Variants in LRRC74B observed in about 807,000 individuals in gnomAD.
LRRC74B encodes the protein leucine rich repeat containing 74B.
LRRC74B carries 30 observed loss-of-function variants against 16.6 expected under a neutral mutation model. The ratio of observed to expected loss-of-function variants is 1.80; its 90% CI spans 1.35 to 2.45. LRRC74B has a LOEUF of 2.45. Among genes scored for constraint, LRRC74B ranks in the 30% most tolerant of loss-of-function variants. The probability of loss-of-function intolerance (pLI) is 0.00; values close to 1 mark genes in which losing one functional copy is unlikely to be tolerated. For missense variants in LRRC74B, 326 were observed against 202.4 expected, an observed-to-expected ratio of 1.61 and a Z score of -3.71; for synonymous variants, 134 against 86.0, an observed-to-expected ratio of 1.56 and a Z score of -3.09.
rs1601807320 is a variant in LRRC74B at position 21,048,853 on chromosome 22, C to T, written c.416-98C>T. On this transcript the variant is annotated intron_variant, in intron 3 of 8. Coordinates refer to ENST00000442047, the Ensembl canonical transcript of LRRC74B. ...CCCAGGACAGTTAACCTGTAAGTCC[C>T]CTTCCTCAGCCTCAGACCTGGAGGT... The T allele has an allele frequency of 4.6e-5, 30 of 658,114 alleles. No homozygotes were observed. The East Asian group carries it at 6.8e-4, about 15-fold the overall frequency. 40.8% of individuals were successfully genotyped at this position (658,114 alleles called of 1,614,324 possible).
chr22:21,051,840 C>G (rs926294840), intron 4 of LRRC74B, among the ~76,000 whole-genome samples: 1 of 152,178 alleles, frequency 6.6e-6, no homozygotes. Flanking sequence ...TTGCAGTTTC[C>G]TGTGTCTCCT....
intron 8 of LRRC74B, among the ~76,000 whole-genome samples, chr22:21,059,510 G>A (rs1261654800): frequency 2.6e-5 from 4 of 152,258 alleles, no homozygotes; most frequent in South Asian, 2.1e-4. Flanking sequence ...TCAGTGAGCC[G>A]AGACCATGCC....
At chr22:21,049,146 A>G (rs1189785807) in exon 4 of LRRC74B, 4 of 716,160 alleles carry the variant, frequency 5.6e-6, no homozygotes, top group Non-Finnish European at 1.0e-5. Context: ...AACCAGCTGA[A>G]TGACCAAGCA....
At chr22:21,049,900 A>G (rs1031551744) in intron 4 of LRRC74B, among the ~76,000 whole-genome samples, 12 of 152,168 alleles carry the variant, frequency 7.9e-5, no homozygotes, top group Non-Finnish European at 1.6e-4. Flanking sequence ...GCCTCTCCTC[A>G]AATGGTCCAA....
intron 4 of LRRC74B, among the ~76,000 whole-genome samples, chr22:21,051,343 C>T (rs139135124): frequency 1.2e-4 from 19 of 152,256 alleles, no homozygotes; most frequent in African/African-American, 4.6e-4. Context: ...GGCCATGTTG[C>T]TCCGCCTTCA....
chr22:21,061,292 T>A (rs1930793812), downstream of LRRC74B, among the ~76,000 whole-genome samples: 2 of 151,616 alleles, frequency 1.3e-5, no homozygotes, highest in African/African-American at 4.8e-5. Flanking sequence ...CACTCTAGCC[T>A]GGGCAACAAG....
exon 1 of LRRC74B, chr22:21,046,060 T>G: frequency 1.4e-6 from 1 of 717,450 alleles, no homozygotes; most frequent in Non-Finnish European, 2.6e-6. Context: ...TGTGGGCGTC[T>G]TTCAGGGGTC....
chr22:21,046,064 A>G (rs779284609), exon 1 of LRRC74B: 1 of 717,328 alleles, frequency 1.4e-6, no homozygotes, highest in African/African-American at 1.7e-5. Flanking sequence ...GGCGTCTTTC[A>G]GGGGTCCCCG....
At chr22:21,055,831 T>TG (rs1363164524) in intron 7 of LRRC74B, among the ~76,000 whole-genome samples, 3 of 152,208 alleles carry the variant, frequency 2.0e-5, no homozygotes, top group Admixed American at 6.5e-5. Context: ...AGCATAGACC[T>TG]GCGTTTCGAG....
At chr22:21,062,583 G>A (rs1601826921), downstream of LRRC74B, 1 of 151,746 alleles carries the variant, frequency 6.6e-6, no homozygotes, top group Non-Finnish European at 1.5e-5. Flanking sequence ...TGTGGTGGTG[G>A]GCGGCTATAA....
chr22:21,053,587 C>T (rs1930244436), intron 6 of LRRC74B, 112 bp downstream of exon 6: 1 of 623,368 alleles, frequency 1.6e-6, no homozygotes, highest in Non-Finnish European at 2.9e-6. Context: ...AGCCACAATC[C>T]CAGAGCAGCT....
At chr22:21,057,777 C>G (rs1487312287) in intron 8 of LRRC74B, among the ~76,000 whole-genome samples, 1 of 143,754 alleles carries the variant, frequency 7.0e-6, no homozygotes, top group African/African-American at 2.6e-5. Flanking sequence ...GTCACCATAC[C>G]TGGCTAAAGT....
chr22:21,057,310 TAC>T, intron 8 of LRRC74B, 110 bp downstream of exon 8: 2 of 635,330 alleles, frequency 3.1e-6, no homozygotes, highest in Admixed American at 2.5e-5. Context: ...CCTGCCCAGT[TAC>T]ACAGCGTGGC....
intron 4 of LRRC74B, among the ~76,000 whole-genome samples, chr22:21,050,010 T>C (rs1467281226): frequency 6.6e-6 from 1 of 152,148 alleles, no homozygotes; most frequent in African/African-American, 2.4e-5. Flanking sequence ...AATCTGTATT[T>C]TAATGGTTGC....
chr22:21,051,203 T>C (rs1360325068), intron 4 of LRRC74B, among the ~76,000 whole-genome samples: 2 of 152,138 alleles, frequency 1.3e-5, no homozygotes, highest in Non-Finnish European at 2.9e-5. Context: ...TTCCCTGTTA[T>C]GATGTTAAAA....
intron 1 of LRRC74B, 53 bp downstream of exon 1, chr22:21,046,178 G>T (rs966318422): frequency 5.6e-6 from 4 of 710,504 alleles, no homozygotes; most frequent in Non-Finnish European, 1.0e-5. Flanking sequence ...GTCTTCTCCC[G>T]CAGGGGTTGG....
At chr22:21,061,987 A>C (rs1930829678), downstream of LRRC74B, 1 of 152,234 alleles carries the variant, frequency 6.6e-6, no homozygotes, top group Non-Finnish European at 1.5e-5. Flanking sequence ...ACATGAATGA[A>C]CCGTATGGTA....
intron 6 of LRRC74B, among the ~76,000 whole-genome samples, chr22:21,054,740 G>A (rs1168791687): frequency 2.0e-5 from 3 of 152,222 alleles, no homozygotes. Flanking sequence ...GGCAGGAGGA[G>A]GAGAGGCCTT....
exon 5 of LRRC74B, chr22:21,052,292 C>T (rs553182704): frequency 4.0e-5 from 29 of 717,528 alleles, no homozygotes; most frequent in Middle Eastern, 2.3e-4. Flanking sequence ...CAGGACTCAC[C>T]GAGCTTAACG....
Sources: allele counts gnomAD v4.1 joint callset (sites outside exome capture counted in the v4.1 genomes callset), GRCh38; gene constraint gnomAD v4.1.1; transcripts MANE v1.5; gene names NCBI Gene and HGNC (gene_info 2026-07-23, HGNC 2026-07-21).